The following DYNC2LI1 variants were observed in gnomAD, a reference collection of about 807,000 sequenced individuals.
DYNC2LI1 encodes the protein cytoplasmic dynein 2 light intermediate chain 1.
DYNC2LI1 carries 45 observed loss-of-function variants against 51.9 expected under a neutral mutation model. That is an observed-to-expected ratio of 0.87 (90% CI 0.68 to 1.11). The LOEUF is 1.11. DYNC2LI1 is among the 50% of genes most tolerant of loss of function. The probability of loss-of-function intolerance (pLI) is 0.00; values close to 1 mark genes in which losing one functional copy is unlikely to be tolerated. For missense variants in DYNC2LI1, 490 were observed against 417.4 expected (o/e 1.17, Z -1.51); for synonymous variants, 130 against 137.8 (o/e 0.94, Z 0.40).
chr2:43,813,382 C>G, downstream of DYNC2LI1: 1 of 1,106,252 alleles, frequency 9.0e-7, no homozygotes. Flanking sequence ...ATTTACCAAG[C>G]GCTTGCTAAG....
intron 2 of DYNC2LI1, chr2:43,781,606 TC>T (rs201912681): frequency 0.31 from 43,223 of 140,958 alleles, 7,517 homozygotes; most frequent in South Asian, 0.42. Context: ...ATTTTCTTTT[TC>T]TTTTTTTTTT....
downstream of DYNC2LI1, chr2:43,810,393 A>G (rs777586770): frequency 2.0e-6 from 2 of 985,412 alleles, no homozygotes; most frequent in Non-Finnish European, 2.4e-6. Flanking sequence ...ACATCTAAGG[A>G]GATATCCTAT....
In DYNC2LI1 at chr2:43,779,593, A is replaced by G. The variant is rs536706020; in HGVS notation, c.126+2694A>G. Among the ~76,000 whole-genome samples the G allele has an allele frequency of 2.0e-5, 3 of 152,342 alleles. No homozygotes were observed. In the South Asian group the frequency reaches 6.2e-4, roughly 32 times the overall value. On this transcript the variant is annotated intron_variant, in intron 2 of 12. Coordinates refer to ENST00000260605, the MANE Select transcript of DYNC2LI1 (RefSeq NM_016008.4). ...TGAGACAAATGCTGTGGTGGAAAAC[A>G]GAGAGGGCACTTAACTCACCCCAGA... is the stretch of plus-strand genomic sequence containing the variant.
chr2:43,783,405 G>C, intron 2 of DYNC2LI1, 115 bp from the exon 3 acceptor site: 1 of 816,628 alleles, frequency 1.2e-6, no homozygotes, highest in Non-Finnish European at 1.9e-6. Context: ...TTAGTTTCCA[G>C]GTAATTTATC....
At chr2:43,803,097 G>C (rs573800768) in intron 10 of DYNC2LI1, among the ~76,000 whole-genome samples, 2 of 152,130 alleles carry the variant, frequency 1.3e-5, no homozygotes, top group Non-Finnish European at 1.5e-5. Context: ...AGCCACTCTA[G>C]AAAACAGTTT....
chr2:43,818,061 ATTGTTGAATATTTAATGTAAT>A, the DYNC2LI1 span, among the ~76,000 whole-genome samples: 2 of 152,222 alleles, frequency 1.3e-5, no homozygotes, highest in East Asian at 1.9e-4. Flanking sequence ...TTTATAATAA[ATTGTTGAATATTTAATGTAAT>A]TTGTTGAATA....
In DYNC2LI1 at chr2:43,787,254, A is replaced by T; in HGVS notation, c.231+4A>T. 6.2e-7 allele frequency: 1 copy of T among 1,609,932 alleles called. No individual in the cohort carries two copies. Among genetic ancestry groups the T allele is most frequent in the Non-Finnish European group, 8.5e-7 (1 of 1,177,100 alleles). ...AAGAGCAAAAGGGCACAACACAGTAAGTGTCTTTTAAAGTGACATTGCTAT... is the reference window on the plus strand; with the variant it reads ...AAGAGCAAAAGGGCACAACACAGTATGTGTCTTTTAAAGTGACATTGCTAT... On this transcript the variant is annotated splice_donor_region_variant and intron_variant, in intron 4 of 12. Transcript: ENST00000260605.
At chr2:43,824,231 C>A in the DYNC2LI1 span, 3 of 1,614,206 alleles carry the variant, frequency 1.9e-6, no homozygotes, top group Non-Finnish European at 2.5e-6. Context: ...CAGGAGAACA[C>A]CCAGTTTAGA....
intron 2 of DYNC2LI1, among the ~76,000 whole-genome samples, chr2:43,779,285 A>G (rs766038632): frequency 7.9e-5 from 12 of 152,204 alleles, no homozygotes; most frequent in Non-Finnish European, 1.5e-4. Flanking sequence ...AGAAAAAAGT[A>G]TCTGATTCTG....
the DYNC2LI1 span, chr2:43,822,836 C>T: frequency 3.7e-6 from 6 of 1,614,088 alleles, no homozygotes; most frequent in African/African-American, 8.0e-5. Context: ...GGCAACAACG[C>T]TGAAGGGGAG....
At chr2:43,822,924 G>A in the DYNC2LI1 span, 178 of 1,613,826 alleles carry the variant, frequency 1.1e-4, 1 homozygote, top group Middle Eastern at 1.3e-3. Flanking sequence ...CTGACAGCTC[G>A]CAGCACGGGA....
intron 10 of DYNC2LI1, 91 bp downstream of exon 10, chr2:43,801,800 T>G: frequency 2.2e-6 from 2 of 895,100 alleles, no homozygotes; most frequent in Non-Finnish European, 3.5e-6. Flanking sequence ...AACATACTCC[T>G]ATTTCTGGTT....
the DYNC2LI1 span, among the ~76,000 whole-genome samples, chr2:43,823,741 A>T: frequency 7.9e-5 from 12 of 152,202 alleles, no homozygotes; most frequent in Admixed American, 7.9e-4. Context: ...GAGCTCATTC[A>T]TATTAACGTG....
At chr2:43,820,472 T>C in the DYNC2LI1 span, among the ~76,000 whole-genome samples, 1 of 151,726 alleles carries the variant, frequency 6.6e-6, no homozygotes, top group Non-Finnish European at 1.5e-5. Context: ...ACCTACCTAA[T>C]GTTAAAGGGC....
chr2:43,774,689 G>T (rs1049731860), intron 1 of DYNC2LI1, among the ~76,000 whole-genome samples: 1 of 152,170 alleles, frequency 6.6e-6, no homozygotes, highest in Non-Finnish European at 1.5e-5. Flanking sequence ...TAAGCACGTC[G>T]GGGAGAGGGG....
chr2:43,821,435 A>G, the DYNC2LI1 span, among the ~76,000 whole-genome samples: 1 of 152,122 alleles, frequency 6.6e-6, no homozygotes, highest in African/African-American at 2.4e-5. Flanking sequence ...GGACTTAAAT[A>G]TTACTCAAAA....
At chr2:43,822,465 TCCCCTC>T in the DYNC2LI1 span, 2 of 842,958 alleles carry the variant, frequency 2.4e-6, no homozygotes, top group Non-Finnish European at 1.4e-6. Context: ...GGCTGCTTTC[TCCCCTC>T]CCCCAGGCCC....
At position 43,783,524 on chromosome 2, in the gene DYNC2LI1, A is replaced by G; in HGVS notation, c.131A>G (p.Lys44Arg). The part of the protein sequence containing the change: ...VFFIGSKNGG[K>R]TTIILRCLDR... ...TCCTTCTTTTTTAATTTCCAGGGAAAGACTACTATTATTCTAAGGTGTCTT... is the reference window on the plus strand; with the variant it reads ...TCCTTCTTTTTTAATTTCCAGGGAAGGACTACTATTATTCTAAGGTGTCTT... The change falls in exon 3 of 13, where the codon AAG (lysine) becomes AGG (arginine). Residue 44 changes from lysine to arginine, a missense_variant. By Grantham distance (26) the Lys-to-Arg change is conservative. Transcript: ENST00000260605. The G allele has an allele frequency of 6.5e-7, 1 of 1,532,296 alleles. No individual in the cohort carries two copies. The highest frequency in any genetic ancestry group is 8.7e-7 in the Non-Finnish European group (1 of 1,145,116). 94.9% of individuals were successfully genotyped at this position (1,532,296 alleles called of 1,614,324 possible).
At chr2:43,774,481 G>T (rs1572688391) in intron 1 of DYNC2LI1, among the ~76,000 whole-genome samples, 1 of 152,142 alleles carries the variant, frequency 6.6e-6, no homozygotes, top group Admixed American at 6.5e-5. Context: ...CTCCCCAGGG[G>T]CCTCCCCTCC....
Sources: allele counts gnomAD v4.1 joint callset (sites outside exome capture counted in the v4.1 genomes callset), GRCh38; gene constraint gnomAD v4.1.1; transcripts MANE v1.5; gene names NCBI Gene and HGNC (gene_info 2026-07-23, HGNC 2026-07-21).